Variants in LYZL4 observed in about 807,000 individuals in gnomAD.
LYZL4 encodes lysozyme like 4.
A neutral mutation model predicts 17.6 loss-of-function variants in LYZL4; 13 were observed. The ratio of observed to expected loss-of-function variants is 0.74; its 90% CI spans 0.48 to 1.18. The LOEUF is 1.18. Among genes scored for constraint, LYZL4 ranks in the 50% most tolerant of loss-of-function variants. The pLI, the probability that LYZL4 is intolerant of heterozygous loss-of-function variation, is 0.00. For missense variants in LYZL4, 174 were observed against 188.2 expected (o/e 0.92, Z 0.44); for synonymous variants, 64 against 67.7 (o/e 0.95, Z 0.27).
intron 4 of LYZL4, among the ~76,000 whole-genome samples, chr3:42,398,092 C>T (rs537197727): frequency 2.6e-5 from 4 of 152,168 alleles, no homozygotes; most frequent in Non-Finnish European, 5.9e-5. Flanking sequence ...GACCTCTGGC[C>T]CCTCATAGTT....
the LYZL4 span, among the ~76,000 whole-genome samples, chr3:42,390,941 A>G: frequency 6.6e-6 from 1 of 152,178 alleles, no homozygotes; most frequent in Non-Finnish European, 1.5e-5. Context: ...GGGGGATTTC[A>G]ATTATTAAGG....
At position 42,405,249 on chromosome 3, in the gene LYZL4, C is replaced by T. The variant is rs975993281; in HGVS notation, c.293-1125G>A. ...ATTTTTAGTAGAGACGGGGTTTCAC[C>T]GTGTTAGCCAGGATGGTCCCGATCT... On this transcript the variant is annotated intron_variant, in intron 3 of 4. Coordinates refer to ENST00000287748, the MANE Select transcript of LYZL4 (RefSeq NM_144634.4). 3.9e-5 allele frequency among the ~76,000 whole-genome samples: 6 copies of T among 152,272 alleles called. No homozygotes were observed. The East Asian group carries it at 7.7e-4, about 20-fold the overall frequency.
chr3:42,393,684 G>A (rs1698517413), downstream of LYZL4, among the ~76,000 whole-genome samples: 1 of 152,180 alleles, frequency 6.6e-6, no homozygotes, highest in African/African-American at 2.4e-5. Context: ...AGAGTTATCT[G>A]GAGAAGCTTT....
the LYZL4 span, among the ~76,000 whole-genome samples, chr3:42,378,861 A>C: frequency 1.3e-5 from 2 of 152,136 alleles, no homozygotes; most frequent in Non-Finnish European, 1.5e-5. Flanking sequence ...CTGTTTTTCT[A>C]TTTCTCTTTT....
At chr3:42,395,314 G>C (rs1216586832), downstream of LYZL4, among the ~76,000 whole-genome samples, 2 of 152,130 alleles carry the variant, frequency 1.3e-5, no homozygotes. Flanking sequence ...AAATTACAAA[G>C]AGTAACAATA....
chr3:42,371,910 C>G, the LYZL4 span, among the ~76,000 whole-genome samples: 1 of 152,148 alleles, frequency 6.6e-6, no homozygotes, highest in African/African-American at 2.4e-5. Flanking sequence ...TTGGGTCTTC[C>G]TACACAGCCT....
At chr3:42,385,824 A>G in the LYZL4 span, among the ~76,000 whole-genome samples, 5 of 152,334 alleles carry the variant, frequency 3.3e-5, no homozygotes, top group African/African-American at 1.2e-4. Context: ...TAAATAGTAG[A>G]TATTATAAAG....
At chr3:42,366,171 A>C in the LYZL4 span, among the ~76,000 whole-genome samples, 2 of 151,928 alleles carry the variant, frequency 1.3e-5, no homozygotes, top group Non-Finnish European at 2.9e-5. Flanking sequence ...AGGATGCCAG[A>C]CCAGTTGGCC....
chr3:42,394,519 G>A (rs575449947), downstream of LYZL4, among the ~76,000 whole-genome samples: 5 of 152,284 alleles, frequency 3.3e-5, no homozygotes, highest in Non-Finnish European at 5.9e-5. Context: ...TGGAAATATC[G>A]TGTAAAGGTC....
the LYZL4 span, among the ~76,000 whole-genome samples, chr3:42,389,364 G>A: frequency 2.6e-5 from 4 of 152,278 alleles, no homozygotes; most frequent in East Asian, 5.8e-4. Context: ...TGGGAAGTTG[G>A]CAGCAGTTTC....
chr3:42,368,518 C>T, the LYZL4 span, among the ~76,000 whole-genome samples: 1 of 152,016 alleles, frequency 6.6e-6, no homozygotes, highest in South Asian at 2.1e-4. Flanking sequence ...GCTTTTTTTC[C>T]CTTTCACAAT....
the LYZL4 span, among the ~76,000 whole-genome samples, chr3:42,387,235 A>G: frequency 6.6e-6 from 1 of 152,228 alleles, no homozygotes; most frequent in Non-Finnish European, 1.5e-5. Context: ...GTGAGACTTA[A>G]CAAGATTAAG....
the LYZL4 span, among the ~76,000 whole-genome samples, chr3:42,376,085 G>A: frequency 2.6e-5 from 4 of 152,128 alleles, no homozygotes; most frequent in South Asian, 2.1e-4. Context: ...ACATAAGGGC[G>A]ACTAAAACAG....
At chr3:42,371,599 A>G in the LYZL4 span, among the ~76,000 whole-genome samples, 3 of 152,218 alleles carry the variant, frequency 2.0e-5, no homozygotes, top group African/African-American at 7.2e-5. Flanking sequence ...CCTGGGTGTC[A>G]ACCACAGACC....
At chr3:42,391,029 C>T in the LYZL4 span, among the ~76,000 whole-genome samples, 38 of 152,220 alleles carry the variant, frequency 2.5e-4, no homozygotes, top group African/African-American at 7.9e-4. Flanking sequence ...TCTCCGCTAC[C>T]GAGATGTTTG....
chr3:42,376,897 T>G, the LYZL4 span, among the ~76,000 whole-genome samples: 1 of 152,224 alleles, frequency 6.6e-6, no homozygotes, highest in African/African-American at 2.4e-5. Context: ...CTTCCTATAT[T>G]AGTTTTAAAA....
At chr3:42,388,336 G>A in the LYZL4 span, among the ~76,000 whole-genome samples, 3 of 152,304 alleles carry the variant, frequency 2.0e-5, no homozygotes, top group Non-Finnish European at 1.5e-5. Flanking sequence ...GATCTTAAAA[G>A]TGGAAATGAC....
downstream of LYZL4, among the ~76,000 whole-genome samples, chr3:42,396,126 G>A (rs540384897): frequency 1.3e-5 from 2 of 152,260 alleles, no homozygotes; most frequent in East Asian, 3.9e-4. Flanking sequence ...AAAATATGGT[G>A]TGTCATATAC....
chr3:42,391,772 C>A, the LYZL4 span, among the ~76,000 whole-genome samples: 29 of 151,708 alleles, frequency 1.9e-4, no homozygotes, highest in Admixed American at 7.9e-4. Context: ...AATCAGAGGC[C>A]GAGAGAGATT....
Sources: gnomAD v4.1 joint callset for allele counts (sites outside exome capture counted in the v4.1 genomes callset) on GRCh38, gnomAD v4.1.1 for gene constraint, MANE v1.5 for transcripts, NCBI Gene and HGNC (gene_info 2026-07-23, HGNC 2026-07-21) for gene names.